The following ZNF362 variants were observed in gnomAD, a reference collection of about 807,000 sequenced individuals.
ZNF362 encodes the protein zinc finger protein 362, also known as rotund homolog.
Under a neutral mutation model 42.9 loss-of-function variants are expected in ZNF362, and 11 were observed. That is an observed-to-expected ratio of 0.26 (90% CI 0.16 to 0.42). The LOEUF (loss-of-function observed/expected upper bound fraction) is 0.42, where lower values mean the gene tolerates loss of function less well. Ranked by LOEUF, ZNF362 falls within the 20% of genes least tolerant of loss-of-function variation. The probability of loss-of-function intolerance (pLI) is 1.00; values close to 1 mark genes in which losing one functional copy is unlikely to be tolerated. For missense variants in ZNF362, 362 were observed against 576.2 expected, an observed-to-expected ratio of 0.63 and a Z score of 3.81; for synonymous variants, 255 against 257.3, an observed-to-expected ratio of 0.99 and a Z score of 0.09.
the ZNF362 span, among the ~76,000 whole-genome samples, chr1:33,189,655 A>ATACG: frequency 4.3e-5 from 1 of 23,332 alleles, no homozygotes; most frequent in South Asian, 2.5e-3. Context: ...ATATATATAT[A>ATACG]TATATATATA....
At chr1:33,208,321 G>A in the ZNF362 span, among the ~76,000 whole-genome samples, 1 of 152,076 alleles carries the variant, frequency 6.6e-6, no homozygotes, top group Non-Finnish European at 1.5e-5. Flanking sequence ...ATGCTGTTTT[G>A]GTTACTGTAG....
At chr1:33,171,394 G>T in the ZNF362 span, among the ~76,000 whole-genome samples, 1 of 152,142 alleles carries the variant, frequency 6.6e-6, no homozygotes, top group Non-Finnish European at 1.5e-5. Context: ...TCTCACAGAG[G>T]GGGAAATTGA....
intron 1 of ZNF362, among the ~76,000 whole-genome samples, chr1:33,268,954 T>G (rs1385829947): frequency 2.0e-5 from 3 of 152,156 alleles, no homozygotes; most frequent in Non-Finnish European, 4.4e-5. Context: ...GAGCAGGCTC[T>G]TACAACAGCT....
the ZNF362 span, among the ~76,000 whole-genome samples, chr1:33,214,981 A>G: frequency 6.6e-6 from 1 of 152,252 alleles, no homozygotes; most frequent in Non-Finnish European, 1.5e-5. Context: ...TGATCTAGCA[A>G]TTCCACTAGT....
the ZNF362 span, among the ~76,000 whole-genome samples, chr1:33,174,385 T>G: frequency 6.6e-6 from 1 of 152,180 alleles, no homozygotes; most frequent in Non-Finnish European, 1.5e-5. Context: ...GGTTTTGCCA[T>G]GTTGCCCACA....
the ZNF362 span, among the ~76,000 whole-genome samples, chr1:33,232,221 G>T: frequency 2.0e-4 from 30 of 152,226 alleles, no homozygotes; most frequent in East Asian, 4.6e-3. Context: ...CTGATGAAGA[G>T]GTCTACAGAA....
the ZNF362 span, among the ~76,000 whole-genome samples, chr1:33,220,172 T>G: frequency 6.6e-6 from 1 of 152,102 alleles, no homozygotes; most frequent in Non-Finnish European, 1.5e-5. Flanking sequence ...GAAGGGGTTG[T>G]AAGGTCACAG....
intron 6 of ZNF362, among the ~76,000 whole-genome samples, chr1:33,288,742 T>A (rs1231533862): frequency 1.1e-3 from 1 of 892 alleles, no homozygotes; most frequent in East Asian, 0.17. Context: ...AGACTCTGTC[T>A]CAAAAAAAAA....
the ZNF362 span, among the ~76,000 whole-genome samples, chr1:33,210,373 A>G: frequency 2.0e-5 from 3 of 152,140 alleles, no homozygotes; most frequent in African/African-American, 4.8e-5. Flanking sequence ...AATAAGTGCA[A>G]TGTGGTGCTG....
At chr1:33,182,379 G>A in the ZNF362 span, among the ~76,000 whole-genome samples, 2 of 152,244 alleles carry the variant, frequency 1.3e-5, no homozygotes, top group African/African-American at 4.8e-5. Context: ...AAACGAACAA[G>A]AATATATTTG....
the ZNF362 span, among the ~76,000 whole-genome samples, chr1:33,184,730 G>C: frequency 1.6e-4 from 24 of 152,126 alleles, no homozygotes; most frequent in Non-Finnish European, 2.8e-4. Flanking sequence ...ATTGTATTTT[G>C]GGTCTTTTGT....
upstream of ZNF362, among the ~76,000 whole-genome samples, chr1:33,251,768 G>A (rs1466136999): frequency 6.6e-6 from 1 of 152,180 alleles, no homozygotes; most frequent in African/African-American, 2.4e-5. Context: ...CAGCTTAATT[G>A]TCCCTTACTC....
At chr1:33,227,171 G>C in the ZNF362 span, among the ~76,000 whole-genome samples, 1 of 152,256 alleles carries the variant, frequency 6.6e-6, no homozygotes, top group South Asian at 2.1e-4. Context: ...CTTTAAATGA[G>C]TGAATCGTAT....
chr1:33,159,612 G>C, the ZNF362 span: 3 of 1,511,040 alleles, frequency 2.0e-6, no homozygotes, highest in Admixed American at 6.2e-5. The surrounding 1 kb of genome is among the most constrained non-coding windows in gnomAD (Gnocchi z 4.2). Context: ...GATCCCATCT[G>C]CCTCCACTCC....
the ZNF362 span, among the ~76,000 whole-genome samples, chr1:33,226,890 G>C: frequency 6.6e-6 from 1 of 152,020 alleles, no homozygotes; most frequent in Non-Finnish European, 1.5e-5. Context: ...AACAAAACAA[G>C]ACACCCATTA....
intron 1 of ZNF362, among the ~76,000 whole-genome samples, chr1:33,262,406 A>G (rs1041523760): frequency 0.011 from 20 of 1,742 alleles, no homozygotes; most frequent in South Asian, 0.33. Context: ...CTGGGTTCAC[A>G]CCATTCTCTC....
chr1:33,178,170 T>C, the ZNF362 span, among the ~76,000 whole-genome samples: 8 of 152,210 alleles, frequency 5.3e-5, no homozygotes, highest in Non-Finnish European at 1.2e-4. Context: ...CCTCTCCTGT[T>C]TCCCCATCTG....
the ZNF362 span, among the ~76,000 whole-genome samples, chr1:33,238,411 A>AAAAG: frequency 6.6e-6 from 1 of 150,940 alleles, no homozygotes; most frequent in Non-Finnish European, 1.5e-5. Flanking sequence ...AAAATAAAAA[A>AAAAG]AGAGATCTCT....
At chr1:33,292,734 T>C (rs1646088315) in intron 6 of ZNF362, among the ~76,000 whole-genome samples, 3 of 152,192 alleles carry the variant, frequency 2.0e-5, no homozygotes, top group Non-Finnish European at 2.9e-5. Flanking sequence ...AAAGGCAGTG[T>C]GAGTCCTGGG....
Sources: gnomAD v4.1 joint callset for allele counts (sites outside exome capture counted in the v4.1 genomes callset) on GRCh38, gnomAD v4.1.1 for gene constraint, Gnocchi (gnomAD v3.1) non-coding constraint, MANE v1.5 for transcripts, NCBI Gene and HGNC (gene_info 2026-07-23, HGNC 2026-07-21) for gene names.